The following CLASP1 variants were observed in gnomAD, a reference collection of about 807,000 sequenced individuals.
CLASP1 encodes the protein cytoplasmic linker associated protein 1, also known as CLIP-associating protein 1.
A neutral mutation model predicts 192.3 loss-of-function variants in CLASP1; 38 were observed. The observed-to-expected ratio is 0.20, with a 90% CI of 0.15 to 0.26. The LOEUF (loss-of-function observed/expected upper bound fraction) is 0.26, where lower values mean the gene tolerates loss of function less well. CLASP1 is among the 10% of genes least tolerant of loss of function. CLASP1 has a pLI of 1.00. For missense variants in CLASP1, 1,433 were observed against 1,932.5 expected (o/e 0.74, Z 4.85); for synonymous variants, 691 against 712.8 (o/e 0.97, Z 0.49).
intron 2 of CLASP1, among the ~76,000 whole-genome samples, chr2:121,536,987 A>G (rs1015849478): frequency 1.3e-5 from 2 of 152,180 alleles, no homozygotes; most frequent in African/African-American, 4.8e-5. Context: ...ACAATAGCTG[A>G]TGGTTATGAA....
intron 2 of CLASP1, among the ~76,000 whole-genome samples, chr2:121,591,913 G>A (rs1266290913): frequency 1.3e-5 from 2 of 152,312 alleles, no homozygotes; most frequent in African/African-American, 4.8e-5. Flanking sequence ...AAATGCAGCT[G>A]TAGATCAAAT....
chr2:121,410,985 A>G lies in CLASP1; in HGVS notation c.2321-16T>C, dbSNP rs1183976083. 3.3e-6 allele frequency: 5 copies of G among 1,510,720 alleles called. No individual in the cohort carries two copies. The African/African-American group carries it at 5.5e-5, about 17-fold the overall frequency. 93.6% of individuals were successfully genotyped at this position (1,510,720 alleles called of 1,614,324 possible). ...CCAAACCGATCTATTTAAAAAACAAAAGCAAAAGATGTGTCACTTTAATTC... is the reference window on the plus strand; with the variant it reads ...CCAAACCGATCTATTTAAAAAACAAGAGCAAAAGATGTGTCACTTTAATTC... On this transcript the variant is annotated splice_polypyrimidine_tract_variant and intron_variant, in intron 23 of 39. Transcript: ENST00000263710.
chr2:121,525,395 G>T (rs1424507088), intron 6 of CLASP1, among the ~76,000 whole-genome samples: 1 of 152,072 alleles, frequency 6.6e-6, no homozygotes, highest in Non-Finnish European at 1.5e-5. Context: ...ATACACAGTG[G>T]AGCCACCCCC....
At chr2:121,387,868 A>G in exon 31 of CLASP1, 1 of 1,612,552 alleles carries the variant, frequency 6.2e-7, no homozygotes, top group Non-Finnish European at 8.5e-7. Context: ...ATTCAGGAGT[A>G]TTCAATTCAA....
At chr2:121,601,249 C>A (rs532741626) in intron 2 of CLASP1, among the ~76,000 whole-genome samples, 1 of 151,010 alleles carries the variant, frequency 6.6e-6, no homozygotes, top group African/African-American at 2.4e-5. Context: ...TAACATCTGA[C>A]TGAATGAGGA....
chr2:121,520,314 G>T (rs1216393967), intron 6 of CLASP1, among the ~76,000 whole-genome samples: 1 of 152,158 alleles, frequency 6.6e-6, no homozygotes, highest in African/African-American at 2.4e-5. Context: ...TGGGGGACAG[G>T]GAAGCAGTCT....
At chr2:121,421,331 C>T (rs1483628209) in intron 22 of CLASP1, among the ~76,000 whole-genome samples, 2 of 152,178 alleles carry the variant, frequency 1.3e-5, no homozygotes, top group African/African-American at 4.8e-5. Context: ...TCTTGACTCA[C>T]TGCAACCTCC....
intron 8 of CLASP1, among the ~76,000 whole-genome samples, chr2:121,475,337 T>C (rs750801670): frequency 3.9e-5 from 6 of 152,224 alleles, no homozygotes; most frequent in Non-Finnish European, 7.3e-5. Context: ...AGCCTATGTT[T>C]CCTAGCTTTT....
chr2:121,371,325 G>A (rs2068665349), intron 34 of CLASP1, among the ~76,000 whole-genome samples: 1 of 152,046 alleles, frequency 6.6e-6, no homozygotes, highest in South Asian at 2.1e-4. Context: ...CAAACTCCTA[G>A]GCTTAAGCAA....
At chr2:121,585,394 C>G (rs1330774338) in intron 2 of CLASP1, among the ~76,000 whole-genome samples, 1 of 152,144 alleles carries the variant, frequency 6.6e-6, no homozygotes. Flanking sequence ...GTCATGATTT[C>G]AGAGGATGTG....
At chr2:121,378,967 TA>T (rs34669815) in intron 33 of CLASP1, among the ~76,000 whole-genome samples, 7,493 of 130,532 alleles carry the variant, frequency 0.057, 245 homozygotes, top group East Asian at 0.16. Flanking sequence ...TATTCTGCCT[TA>T]AAAAAAAAAA....
chr2:121,464,965 G>T (rs943909669), intron 9 of CLASP1, among the ~76,000 whole-genome samples: 2 of 151,874 alleles, frequency 1.3e-5, no homozygotes, highest in Admixed American at 6.6e-5. Context: ...TTCCAAATTC[G>T]ACAACCCTTC....
At chr2:121,545,960 G>A (rs1489167682) in intron 2 of CLASP1, among the ~76,000 whole-genome samples, 2 of 151,838 alleles carry the variant, frequency 1.3e-5, no homozygotes, top group Admixed American at 6.6e-5. Context: ...TATAGAATGA[G>A]AGCTTCAAAA....
intron 34 of CLASP1, among the ~76,000 whole-genome samples, chr2:121,373,064 C>T (rs1014057153): frequency 6.6e-6 from 1 of 152,208 alleles, no homozygotes; most frequent in East Asian, 1.9e-4. Flanking sequence ...TGTGTACTCA[C>T]CCAAATCTTA....
intron 8 of CLASP1, among the ~76,000 whole-genome samples, chr2:121,487,402 C>T (rs534155260): frequency 1.3e-5 from 2 of 152,250 alleles, no homozygotes; most frequent in East Asian, 1.9e-4. Context: ...TAACCCAACA[C>T]GCAGATCAAC....
At chr2:121,400,446 G>A (rs142790869) in intron 28 of CLASP1, among the ~76,000 whole-genome samples, 7 of 152,296 alleles carry the variant, frequency 4.6e-5, no homozygotes, top group African/African-American at 7.2e-5. Context: ...GGGAGATGCC[G>A]GCAGGGCAGG....
At chr2:121,367,773 A>C in exon 35 of CLASP1, 1 of 1,613,886 alleles carries the variant, frequency 6.2e-7, no homozygotes. Context: ...GCCTCCTTCT[A>C]CTTCACTACC....
At chr2:121,352,475 C>T (rs2064651197) in intron 37 of CLASP1, among the ~76,000 whole-genome samples, 1 of 152,188 alleles carries the variant, frequency 6.6e-6, no homozygotes, top group Non-Finnish European at 1.5e-5. Flanking sequence ...GCTGTTTAGA[C>T]CCTGGTGTGT....
At chr2:121,357,084 C>G (rs990998902) in intron 37 of CLASP1, among the ~76,000 whole-genome samples, 1 of 152,150 alleles carries the variant, frequency 6.6e-6, no homozygotes, top group Admixed American at 6.5e-5. Flanking sequence ...ATTTCCTAGC[C>G]TAACGCTGAC....
Sources: gnomAD v4.1 joint callset for allele counts (sites outside exome capture counted in the v4.1 genomes callset) on GRCh38, gnomAD v4.1.1 for gene constraint, MANE v1.5 for transcripts, NCBI Gene and HGNC (gene_info 2026-07-23, HGNC 2026-07-21) for gene names.